The following SLC13A3 variants were observed in gnomAD, a reference collection of about 807,000 sequenced individuals.
SLC13A3 encodes Na(+)/dicarboxylate cotransporter 3.
A neutral mutation model predicts 59.0 loss-of-function variants in SLC13A3; 40 were observed. The ratio of observed to expected loss-of-function variants is 0.68; its 90% CI spans 0.53 to 0.88. SLC13A3 has a LOEUF of 0.88. Ranked by LOEUF, SLC13A3 falls within the 40% of genes least tolerant of loss-of-function variation. SLC13A3 has a pLI of 0.00. For synonymous variants in SLC13A3, 317 were observed against 330.3 expected (o/e 0.96, Z 0.44); for missense variants, 699 against 783.2 (o/e 0.89, Z 1.28).
chr20:46,642,414 T>A (rs2062853816), intron 1 of SLC13A3, among the ~76,000 whole-genome samples: 1 of 152,184 alleles, frequency 6.6e-6, no homozygotes, highest in African/African-American at 2.4e-5. Context: ...CTGGATGTTC[T>A]AAGCATTGGC....
chr20:46,671,265 A>G (rs2063089858), upstream of SLC13A3, among the ~76,000 whole-genome samples: 1 of 152,158 alleles, frequency 6.6e-6, no homozygotes, highest in South Asian at 2.1e-4. Flanking sequence ...CCAATTTGGG[A>G]CAACTTTGAG....
At chr20:46,564,143 C>T (rs1352159462) in intron 11 of SLC13A3, among the ~76,000 whole-genome samples, 1 of 152,236 alleles carries the variant, frequency 6.6e-6, no homozygotes, top group East Asian at 1.9e-4. Context: ...GCCAAACAAT[C>T]TCAACCCAGA....
intron 2 of SLC13A3, 96 bp from the exon 3 acceptor site, chr20:46,610,705 AT>A: frequency 9.9e-7 from 1 of 1,014,960 alleles, no homozygotes; most frequent in Non-Finnish European, 1.4e-6. Context: ...CAATCCATCC[AT>A]TTTACAGATG....
Position 46,610,376 on chromosome 20 carries a change from T to C in SLC13A3, c.541+70A>G, listed in dbSNP as rs904404678. On this transcript the variant is annotated intron_variant, in intron 3 of 12. Coordinates refer to ENST00000279027, the MANE Select transcript of SLC13A3 (RefSeq NM_022829.6). ...TGCATGCCCTTGGCCTTCCCTAACATCCTTTGGACATCCCATTCCCACTTC... is the reference window on the plus strand; with the variant it reads ...TGCATGCCCTTGGCCTTCCCTAACACCCTTTGGACATCCCATTCCCACTTC... 2.0e-6 allele frequency: 3 copies of C among 1,500,754 alleles called. No individual in the cohort carries two copies. The African/African-American group carries it at 4.2e-5, about 21-fold the overall frequency. 93.0% of individuals were successfully genotyped at this position (1,500,754 alleles called of 1,614,324 possible). A position where few individuals can be genotyped will look rare whatever the true frequency, so the allele number is the denominator to read the frequency against.
At chr20:46,576,122 C>T (rs1051253386) in intron 9 of SLC13A3, among the ~76,000 whole-genome samples, 7 of 151,420 alleles carry the variant, frequency 4.6e-5, no homozygotes, top group Admixed American at 2.0e-4. Context: ...TTTATTTCCT[C>T]GCAAGTGGCA....
In SLC13A3 at chr20:46,662,612, G is replaced by A. The variant is rs183810414; in HGVS notation, c.-31+7431C>T. On this transcript the variant is annotated intron_variant, in intron 1 of 12. Coordinates refer to the SLC13A3 transcript ENST00000290317. ...ATTACAAAAAGGAACTAAGCACACT[G>A]CTCAAACACTCTGGATCATTCAAGA... is the stretch of plus-strand genomic sequence containing the variant. Among the ~76,000 whole-genome samples, 63 of 152,308 alleles carry A rather than the reference G, an allele frequency of 4.1e-4. No individual in the cohort carries two copies. In the East Asian group the frequency reaches 0.01, roughly 25 times the overall value.
At chr20:46,570,730 A>T (rs2062022228) in intron 10 of SLC13A3, among the ~76,000 whole-genome samples, 2 of 152,152 alleles carry the variant, frequency 1.3e-5, no homozygotes. Flanking sequence ...TGAAGTCAGG[A>T]ACCATCTGTA....
intron 1 of SLC13A3, among the ~76,000 whole-genome samples, chr20:46,662,383 T>C (rs550420395): frequency 1.3e-5 from 2 of 152,368 alleles, no homozygotes; most frequent in Non-Finnish European, 2.9e-5. Context: ...TCAGACATTG[T>C]TGTAGTCTAT....
At chr20:46,592,253 ATACATACC>A (rs1415940620) in intron 6 of SLC13A3, 143 bp downstream of exon 6, 1 of 913,900 alleles carries the variant, frequency 1.1e-6, no homozygotes, top group Non-Finnish European at 1.6e-6. Flanking sequence ...ACATACATAT[ATACATACC>A]TACATACATA....
At chr20:46,640,079 C>G (rs2062832263) in intron 1 of SLC13A3, among the ~76,000 whole-genome samples, 1 of 152,196 alleles carries the variant, frequency 6.6e-6, no homozygotes, top group Admixed American at 6.5e-5. Flanking sequence ...TGCTTAGAAC[C>G]ATGCCTGGCA....
At chr20:46,587,725 T>A (rs937851251) in intron 8 of SLC13A3, among the ~76,000 whole-genome samples, 4 of 152,232 alleles carry the variant, frequency 2.6e-5, no homozygotes, top group African/African-American at 7.2e-5. Flanking sequence ...GCATCCAGCA[T>A]CCAGCTTAGC....
rs575295219 is a variant in SLC13A3, at chr20:46,594,755, T to C, written c.794+1402A>G. 4.0e-5 allele frequency among the ~76,000 whole-genome samples: 6 copies of C among 151,726 alleles called. No homozygotes were observed. The South Asian group carries it at 1.3e-3, about 32-fold the overall frequency. ...ACTTCTTTTTTTTTTTTTTCACCTC[T>C]CCCAGTGCATGGTTGACAATCACTG... On this transcript the variant is annotated intron_variant, in intron 5 of 12. Coordinates refer to ENST00000279027, the MANE Select transcript of SLC13A3 (RefSeq NM_022829.6).
At chr20:46,658,301 A>G (rs1489225070) in intron 1 of SLC13A3, among the ~76,000 whole-genome samples, 1 of 152,252 alleles carries the variant, frequency 6.6e-6, no homozygotes, top group African/African-American at 2.4e-5. Flanking sequence ...TAAAAGAGGC[A>G]AACTTCAATT....
At chr20:46,566,000 C>A (rs931169332) in intron 11 of SLC13A3, among the ~76,000 whole-genome samples, 1 of 152,178 alleles carries the variant, frequency 6.6e-6, no homozygotes, top group South Asian at 2.1e-4. Context: ...GGTTAATTTT[C>A]CCAGAAGAGA....
At chr20:46,563,287 C>T in intron 12 of SLC13A3, 127 bp downstream of exon 12, 1 of 1,120,084 alleles carries the variant, frequency 8.9e-7, no homozygotes, top group Non-Finnish European at 1.2e-6. Context: ...CCTGGTCCCA[C>T]TCAGAAAGAT....
In SLC13A3 at chr20:46,596,192, T is replaced by C. The variant is rs1600534915; in HGVS notation, c.759A>G (p.Thr253=). Reference sequence around the variant, plus strand: ...GGCCAAGCAGGATGAGGTTAGGGGCTGTGCCCGTGAGTGTGGCTGTGCCCC... The same window carrying C: ...GGCCAAGCAGGATGAGGTTAGGGGCCGTGCCCGTGAGTGTGGCTGTGCCCC... ...SIGGTATLTG[T]APNLILLGQL... is the part of the protein sequence containing the mutation. The change falls in exon 5 of 13, where the codon ACA becomes ACG. Residue 253 remains threonine (T), a synonymous_variant. Coordinates refer to ENST00000279027, the MANE Select transcript of SLC13A3 (RefSeq NM_022829.6). 1.9e-6 allele frequency: 3 copies of C among 1,613,912 alleles called. No homozygotes were observed. Among genetic ancestry groups the C allele is most frequent in the African/African-American group, 2.7e-5 (2 of 74,924 alleles).
upstream of SLC13A3, among the ~76,000 whole-genome samples, chr20:46,656,175 T>G (rs1411914895): frequency 6.9e-6 from 1 of 144,042 alleles, no homozygotes; most frequent in South Asian, 2.2e-4. Context: ...CAGTCTGTAT[T>G]ATATTGTATA....
At chr20:46,624,582 C>T (rs944601202) in intron 1 of SLC13A3, among the ~76,000 whole-genome samples, 2 of 152,156 alleles carry the variant, frequency 1.3e-5, no homozygotes, top group East Asian at 3.9e-4. Flanking sequence ...AAGCTATTCC[C>T]AAATATCCAA....
At chr20:46,620,687 C>A (rs1314121545) in intron 1 of SLC13A3, among the ~76,000 whole-genome samples, 2 of 152,100 alleles carry the variant, frequency 1.3e-5, no homozygotes, top group Non-Finnish European at 2.9e-5. Flanking sequence ...AAAAAAAATT[C>A]ATCTTGTTCA....
Sources: gnomAD v4.1 joint callset for allele counts (sites outside exome capture counted in the v4.1 genomes callset) on GRCh38, gnomAD v4.1.1 for gene constraint, MANE v1.5 for transcripts, NCBI Gene and HGNC (gene_info 2026-07-23, HGNC 2026-07-21) for gene names.